Variants in CUL5 observed in about 807,000 individuals in gnomAD.
CUL5 encodes the protein cullin-5.
Under a neutral mutation model 108.8 loss-of-function variants are expected in CUL5, and 26 were observed. The ratio of observed to expected loss-of-function variants is 0.24; its 90% CI spans 0.18 to 0.33. The LOEUF (loss-of-function observed/expected upper bound fraction) is 0.33. Ranked by LOEUF, CUL5 falls within the 10% of genes least tolerant of loss-of-function variation. The probability of loss-of-function intolerance (pLI) is 1.00; values close to 1 mark genes in which losing one functional copy is unlikely to be tolerated. For missense variants in CUL5, 524 were observed against 909.2 expected (o/e 0.58, Z 5.45); for synonymous variants, 334 against 298.0 (o/e 1.12, Z -1.25).
chr11:108,010,463 G>A (rs1159554092), intron 1 of CUL5, among the ~76,000 whole-genome samples: 1 of 152,128 alleles, frequency 6.6e-6, no homozygotes, highest in East Asian at 1.9e-4. Flanking sequence ...TTACTAAGAG[G>A]CAGTACTGTA....
At chr11:108,076,719 G>C (rs1863949637) in intron 10 of CUL5, among the ~76,000 whole-genome samples, 1 of 152,108 alleles carries the variant, frequency 6.6e-6, no homozygotes, top group Admixed American at 6.5e-5. Context: ...TTTCCTTTGG[G>C]TATATGCCTA....
At chr11:108,090,345 G>A (rs974300700) in intron 13 of CUL5, among the ~76,000 whole-genome samples, 3 of 151,648 alleles carry the variant, frequency 2.0e-5, no homozygotes, top group Non-Finnish European at 4.4e-5. Context: ...AAAAATTAAC[G>A]AGGCGTGGTG....
chr11:108,091,007 A>G (rs1864340960), intron 13 of CUL5, among the ~76,000 whole-genome samples: 1 of 151,970 alleles, frequency 6.6e-6, no homozygotes. Context: ...ACTAATACAT[A>G]TTTACTACGA....
At chr11:108,091,956 A>G (rs1750817058) in intron 13 of CUL5, among the ~76,000 whole-genome samples, 2 of 152,184 alleles carry the variant, frequency 1.3e-5, no homozygotes, top group Admixed American at 1.3e-4. Context: ...GGGCAAAATA[A>G]CAATACTCCA....
At chr11:108,071,121 C>G (rs1048041253) in intron 8 of CUL5, among the ~76,000 whole-genome samples, 1 of 152,142 alleles carries the variant, frequency 6.6e-6, no homozygotes, top group African/African-American at 2.4e-5. Context: ...ATATTCTAAT[C>G]TCTAATATAG....
At chr11:108,061,111 A>T (rs1054122356) in intron 7 of CUL5, among the ~76,000 whole-genome samples, 1 of 152,236 alleles carries the variant, frequency 6.6e-6, no homozygotes, top group Non-Finnish European at 1.5e-5. Flanking sequence ...AGTTGATGGC[A>T]TATGGCAAAA....
rs766408627 is a variant in CUL5, at chr11:108,104,240, G to A, written c.2199G>A (p.Gln733=). The A allele has an allele frequency of 6.2e-7, 1 of 1,602,860 alleles. No homozygotes were observed. Among genetic ancestry groups the A allele is most frequent in the East Asian group, 2.2e-5 (1 of 44,636 alleles). The change falls in exon 19 of 19, where the codon CAG becomes CAA. Residue 733 remains glutamine (Q), a synonymous_variant. Transcript: ENST00000393094. Reference sequence around the variant, plus strand: ...TGAGAAAGAAAATTAGTAATGCTCAGCTGCAGACTGAATTAGTAGAAATTT... The same window carrying A: ...TGAGAAAGAAAATTAGTAATGCTCAACTGCAGACTGAATTAGTAGAAATTT... ...MKMRKKISNA[Q]LQTELVEILK...
intron 7 of CUL5, among the ~76,000 whole-genome samples, chr11:108,055,383 T>C (rs1407346286): frequency 1.3e-5 from 2 of 152,174 alleles, no homozygotes; most frequent in Non-Finnish European, 2.9e-5. Flanking sequence ...GAATCATTTA[T>C]TCCTAGGGGA....
rs568531151 is a variant in CUL5 at position 108,035,110 on chromosome 11, CTG to C, written c.134+1201_134+1202del. The stretch of plus-strand genomic sequence containing the variant: ...AGGTTATTAAATCTGTTGTTGCAAA[CTG>C]TAACCAATCCAGAAAGGCAAACACA... On this transcript the variant is annotated intron_variant, in intron 2 of 18. Coordinates refer to ENST00000393094, the MANE Select transcript of CUL5 (RefSeq NM_003478.6). 2.0e-4 allele frequency among the ~76,000 whole-genome samples: 31 copies of C among 152,220 alleles called. 1 individual carries two copies. The South Asian group carries it at 6.4e-3, about 32-fold the overall frequency.
intron 1 of CUL5, among the ~76,000 whole-genome samples, chr11:108,010,832 C>CT (rs930356125): frequency 2.6e-4 from 39 of 152,252 alleles, no homozygotes; most frequent in African/African-American, 8.2e-4. Flanking sequence ...GGCACAGTGG[C>CT]TCACTCCTGT....
intron 11 of CUL5, among the ~76,000 whole-genome samples, chr11:108,084,165 G>A (rs1864169320): frequency 6.6e-6 from 1 of 152,144 alleles, no homozygotes; most frequent in Non-Finnish European, 1.5e-5. Context: ...GAGGAGGAGT[G>A]GAGTAGTTTG....
At chr11:108,052,467 GC>G (rs1326396827) in intron 4 of CUL5, among the ~76,000 whole-genome samples, 192 bp from the exon 5 acceptor site, 1 of 151,914 alleles carries the variant, frequency 6.6e-6, no homozygotes, top group Non-Finnish European at 1.5e-5. Flanking sequence ...TTGCCCTGCT[GC>G]CCAGGCTGGT....
At chr11:108,050,210 A>G in intron 4 of CUL5, 144 bp downstream of exon 4, 1 of 602,820 alleles carries the variant, frequency 1.7e-6, no homozygotes, top group Non-Finnish European at 2.8e-6. Context: ...ATTTTATTGA[A>G]TAATATTCTT....
chr11:108,082,270 TTCTC>T (rs796359429), intron 11 of CUL5, among the ~76,000 whole-genome samples: 7 of 150,436 alleles, frequency 4.7e-5, no homozygotes, highest in African/African-American at 1.7e-4. Flanking sequence ...CCCTTCCTTC[TTCTC>T]TCTTTCTTTC....
At chr11:108,018,140 G>A (rs1009403321) in intron 1 of CUL5, among the ~76,000 whole-genome samples, 5 of 152,188 alleles carry the variant, frequency 3.3e-5, no homozygotes, top group Admixed American at 3.3e-4. Flanking sequence ...TCTTAGGTTG[G>A]TTTGGGAGGC....
chr11:108,019,566 A>T (rs1355050520), intron 1 of CUL5, among the ~76,000 whole-genome samples: 1 of 152,174 alleles, frequency 6.6e-6, no homozygotes, highest in Non-Finnish European at 1.5e-5. Flanking sequence ...TTGTCTGGCA[A>T]TGTTTATTGT....
In CUL5 at chr11:108,078,257, C is replaced by T; in HGVS notation, c.1178+17C>T. On this transcript the variant is annotated intron_variant, in intron 11 of 18. Coordinates refer to ENST00000393094, the MANE Select transcript of CUL5 (RefSeq NM_003478.6). ...GCAGAAGGGGTAAGTTTTTTAAAAC[C>T]ATACTTTAAAAATACTTAAATTTTC... is the stretch of plus-strand genomic sequence containing the variant. The T allele has an allele frequency of 6.9e-7, 1 of 1,444,984 alleles. No individual in the cohort carries two copies. The highest frequency in any genetic ancestry group is 1.3e-5 in the South Asian group (1 of 77,776). 89.5% of individuals were successfully genotyped at this position (1,444,984 alleles called of 1,614,324 possible). A position where few individuals can be genotyped will look rare whatever the true frequency, so the allele number is the denominator to read the frequency against.
chr11:108,085,281 G>A (rs1353853054), intron 11 of CUL5, among the ~76,000 whole-genome samples: 3 of 152,144 alleles, frequency 2.0e-5, no homozygotes, highest in Admixed American at 6.5e-5. Context: ...TATGCTACAA[G>A]GTAGATGAAC....
At chr11:108,058,300 G>C (rs1212490225) in intron 7 of CUL5, among the ~76,000 whole-genome samples, 1 of 127,822 alleles carries the variant, frequency 7.8e-6, no homozygotes, top group South Asian at 2.8e-4. Context: ...CCAGGCTAGA[G>C]TGCAGTAGTG....
Sources: allele counts gnomAD v4.1 joint callset (sites outside exome capture counted in the v4.1 genomes callset), GRCh38; gene constraint gnomAD v4.1.1; transcripts MANE v1.5; gene names NCBI Gene and HGNC (gene_info 2026-07-23, HGNC 2026-07-21).